Variants in LRRC27 observed in about 807,000 individuals in gnomAD.
LRRC27 encodes leucine rich repeat containing 27, also known as leucine-rich repeat-containing protein 27.
In LRRC27, 57 loss-of-function variants were observed where a neutral mutation model predicts 55.0. The observed-to-expected ratio is 1.04, with a 90% CI of 0.84 to 1.29. LRRC27 has a LOEUF of 1.29. Among genes scored for constraint, LRRC27 ranks in the 50% most tolerant of loss-of-function variants. The pLI, the probability that LRRC27 is intolerant of heterozygous loss-of-function variation, is 0.00. For synonymous variants in LRRC27, 278 were observed against 251.9 expected, an observed-to-expected ratio of 1.10 and a Z score of -0.98; for missense variants, 721 against 651.5, an observed-to-expected ratio of 1.11 and a Z score of -1.16.
intron 2 of LRRC27, chr10:132,336,908 T>G: frequency 1.5e-6 from 1 of 664,908 alleles, no homozygotes; most frequent in South Asian, 1.8e-5. Flanking sequence ...ACTGTAAAAT[T>G]GTGTGAATGT....
chr10:132,366,765 G>T, intron 10 of LRRC27: 2 of 1,089,232 alleles, frequency 1.8e-6, no homozygotes, highest in Middle Eastern at 2.5e-4. Flanking sequence ...CACGGGGGAG[G>T]AAGCAACCCT....
At chr10:132,367,630 A>T (rs181887181) in intron 10 of LRRC27, among the ~76,000 whole-genome samples, 62 of 152,384 alleles carry the variant, frequency 4.1e-4, no homozygotes, top group African/African-American at 1.4e-3. Context: ...TTATCAATAG[A>T]TGCAGAAAAA....
intron 8 of LRRC27, among the ~76,000 whole-genome samples, chr10:132,356,235 G>A (rs991978492): frequency 6.6e-6 from 1 of 152,252 alleles, no homozygotes; most frequent in Non-Finnish European, 1.5e-5. Context: ...AAGAGGAGAT[G>A]AGGGGAAAAG....
At chr10:132,350,636 C>T (rs1284565131) in intron 6 of LRRC27, 1 of 152,650 alleles carries the variant, frequency 6.6e-6, no homozygotes, top group Non-Finnish European at 1.5e-5. Context: ...GGGCCAGCCT[C>T]CTGGGACGTG....
At chr10:132,359,403 C>T (rs1362825321) in intron 8 of LRRC27, among the ~76,000 whole-genome samples, 2 of 152,206 alleles carry the variant, frequency 1.3e-5, no homozygotes, top group Non-Finnish European at 1.5e-5. Flanking sequence ...AACAGGGAAG[C>T]GGTTCCACGC....
At chr10:132,373,246 G>A (rs1309692624) in intron 10 of LRRC27, among the ~76,000 whole-genome samples, 1 of 152,196 alleles carries the variant, frequency 6.6e-6, no homozygotes, top group Non-Finnish European at 1.5e-5. Flanking sequence ...GGGACAAGAG[G>A]AAAGGAAGTT....
In LRRC27 at chr10:132,348,422, T is replaced by A. The variant is rs1291933072; in HGVS notation, c.926+66T>A. ...GAATTTATACAGTTATTTTAAATTA[T>A]CTTTGAAAACATCAGGTCCAGCTTT... On this transcript the variant is annotated intron_variant, in intron 6 of 10. Coordinates refer to ENST00000368614, the MANE Select transcript of LRRC27 (RefSeq NM_030626.3). This position sits in a 1 kb window ranked among gnomAD's most constrained non-coding sequence, Gnocchi z 4.2. The A allele has an allele frequency of 3.2e-6, 5 of 1,551,834 alleles. No homozygotes were observed. The highest frequency in any genetic ancestry group is 4.3e-6 in the Non-Finnish European group (5 of 1,150,038).
At position 132,334,270 on chromosome 10, in the gene LRRC27, G is replaced by A. The variant is rs560027156; in HGVS notation, c.210+536G>A. On this transcript the variant is annotated intron_variant, in intron 2 of 10. Coordinates refer to ENST00000368614, the MANE Select transcript of LRRC27 (RefSeq NM_030626.3). ...CCCCTGCAGCACTTGTCCCTGCTGGGACTCACAGAATTTCCTTAAACCTCA... is the reference window on the plus strand; with the variant it reads ...CCCCTGCAGCACTTGTCCCTGCTGGAACTCACAGAATTTCCTTAAACCTCA... Among the ~76,000 whole-genome samples the A allele has an allele frequency of 6.6e-5, 10 of 152,310 alleles. No individual in the cohort carries two copies. The South Asian group carries it at 1.9e-3, about 28-fold the overall frequency.
Position 132,337,513 on chromosome 10 carries a change from T to G in LRRC27, c.211-52T>G, listed in dbSNP as rs1197888195. On this transcript the variant is annotated intron_variant, in intron 2 of 10. Coordinates refer to ENST00000368614, the MANE Select transcript of LRRC27 (RefSeq NM_030626.3). ...AAATAGATTTTGGATATATCATGTT[T>G]TACAAATTAGTTGGTTAACAAAACA... is the stretch of plus-strand genomic sequence containing the variant. The G allele has an allele frequency of 3.7e-6, 6 of 1,604,026 alleles. No homozygotes were observed. In the East Asian group the frequency reaches 8.9e-5, roughly 24 times the overall value.
chr10:132,347,140 A>G (rs1346840088), intron 5 of LRRC27, among the ~76,000 whole-genome samples: 3 of 152,278 alleles, frequency 2.0e-5, no homozygotes, highest in Admixed American at 6.5e-5. Context: ...TAATGGGCTA[A>G]ACATTACTTA....
intron 9 of LRRC27, 61 bp from the exon 10 acceptor site, chr10:132,365,363 G>A (rs1590725579): frequency 6.3e-7 from 1 of 1,598,206 alleles, no homozygotes; most frequent in South Asian, 1.1e-5. Flanking sequence ...GTTATGGCGG[G>A]AGTTGCTAGG....
upstream of LRRC27, chr10:132,330,549 C>G (rs879071196): frequency 1.4e-6 from 1 of 715,128 alleles, no homozygotes; most frequent in Non-Finnish European, 2.6e-6. Flanking sequence ...TCGCTGTCAC[C>G]GAAGCTGACA....
chr10:132,379,777 A>C lies in LRRC27; in HGVS notation c.*4535A>C, dbSNP rs1285229366. 2.0e-5 allele frequency: 3 copies of C among 152,090 alleles called. No individual in the cohort carries two copies. Among genetic ancestry groups the C allele is most frequent in the Non-Finnish European group, 4.4e-5 (3 of 68,040 alleles). The allele number at this position is 152,090 out of a possible 1,614,324, so 9.4% of individuals were successfully genotyped here. On this transcript the variant is annotated 3_prime_UTR_variant, in exon 11 of 11. Coordinates refer to ENST00000368614, the MANE Select transcript of LRRC27 (RefSeq NM_030626.3). Reference sequence around the variant, plus strand: ...TTTAGTGAGTGTCCAGCATTGTATAAGTTGACCCTTGAACAAGAGTTTGAA... The same window carrying C: ...TTTAGTGAGTGTCCAGCATTGTATACGTTGACCCTTGAACAAGAGTTTGAA...
intron 8 of LRRC27, among the ~76,000 whole-genome samples, chr10:132,356,274 G>A (rs774989200): frequency 1.3e-5 from 2 of 152,248 alleles, no homozygotes; most frequent in South Asian, 2.1e-4. Context: ...AGCTGAGGTC[G>A]AGGTGAGCGC....
intron 10 of LRRC27, among the ~76,000 whole-genome samples, chr10:132,369,473 G>A (rs745832402): frequency 2.6e-5 from 4 of 152,346 alleles, no homozygotes; most frequent in South Asian, 4.1e-4. Context: ...CGGGGGAGCC[G>A]ACATGCCAGC....
Position 132,378,094 on chromosome 10 carries a change from G to A in LRRC27, c.*2852G>A, listed in dbSNP as rs1200962440. On this transcript the variant is annotated 3_prime_UTR_variant, in exon 11 of 11. Transcript: ENST00000368614. ...GGAGGCTGAGGCGGGAGAATGGCGT[G>A]AACCCAGGAGACGGAGCTTGCAGTG... 1 of 151,336 alleles carries A rather than the reference G, an allele frequency of 6.6e-6. No individual in the cohort carries two copies. Among genetic ancestry groups the A allele is most frequent in the Non-Finnish European group, 1.5e-5 (1 of 67,974 alleles). 9.4% of individuals were successfully genotyped at this position (151,336 alleles called of 1,614,324 possible). A position where few individuals can be genotyped will look rare whatever the true frequency, so the allele number is the denominator to read the frequency against.
At chr10:132,335,099 T>G (rs899424563) in intron 2 of LRRC27, 2 of 152,212 alleles carry the variant, frequency 1.3e-5, no homozygotes, top group Non-Finnish European at 2.9e-5. Context: ...GTTCACCACA[T>G]GAGAAACAAA....
intron 9 of LRRC27, among the ~76,000 whole-genome samples, chr10:132,364,764 A>G (rs1311122558): frequency 4.6e-5 from 5 of 108,146 alleles, no homozygotes; most frequent in Non-Finnish European, 1.9e-5. Flanking sequence ...ACTTACACTC[A>G]TGCTTACATC....
Position 132,348,921 on chromosome 10 carries a change from G to A in LRRC27, c.926+565G>A. On this transcript the variant is annotated intron_variant, in intron 6 of 10. Coordinates refer to ENST00000368614, the MANE Select transcript of LRRC27 (RefSeq NM_030626.3). This position sits in a 1 kb window ranked among gnomAD's most constrained non-coding sequence, Gnocchi z 4.2. ...AAAGCTTGCCTTTGCCTTTGGTACA[G>A]TGAGTTTGGGGGCCGAGATTTTATT... 2 of 1,463,776 alleles carry A rather than the reference G, an allele frequency of 1.4e-6. No individual in the cohort carries two copies. Among genetic ancestry groups the A allele is most frequent in the South Asian group, 1.2e-5 (1 of 82,770 alleles). 90.7% of individuals were successfully genotyped at this position (1,463,776 alleles called of 1,614,324 possible).
Sources: gnomAD v4.1 joint callset for allele counts (sites outside exome capture counted in the v4.1 genomes callset) on GRCh38, gnomAD v4.1.1 for gene constraint, Gnocchi (gnomAD v3.1) non-coding constraint, MANE v1.5 for transcripts, NCBI Gene and HGNC (gene_info 2026-07-23, HGNC 2026-07-21) for gene names.